TBL1XR1: variants seen among roughly 807,000 people sequenced by gnomAD.
TBL1XR1 encodes the protein TBL1X/Y related 1.
TBL1XR1 carries 5 observed loss-of-function variants against 66.9 expected under a neutral mutation model. The ratio of observed to expected loss-of-function variants is 0.07; its 90% CI spans 0.04 to 0.16. The LOEUF is 0.16. Ranked by LOEUF, TBL1XR1 falls within the 10% of genes least tolerant of loss-of-function variation. The probability of loss-of-function intolerance (pLI) is 1.00; values close to 1 mark genes in which losing one functional copy is unlikely to be tolerated. For synonymous variants in TBL1XR1, 210 were observed against 206.0 expected, an observed-to-expected ratio of 1.02 and a Z score of -0.17; for missense variants, 238 against 623.2, an observed-to-expected ratio of 0.38 and a Z score of 6.58.
intron 10 of TBL1XR1, among the ~76,000 whole-genome samples, chr3:177,044,536 G>C (rs1385606087): frequency 6.6e-6 from 1 of 152,130 alleles, no homozygotes; most frequent in Non-Finnish European, 1.5e-5. Context: ...TAAGGGGCAA[G>C]AAGAAACGTC....
chr3:177,162,675 T>A (rs1488889095), intron 1 of TBL1XR1, among the ~76,000 whole-genome samples: 4 of 152,146 alleles, frequency 2.6e-5, no homozygotes, highest in Non-Finnish European at 1.5e-5. Context: ...AAATCATACC[T>A]CAACTAAAAG....
chr3:177,053,765 T>C lies in TBL1XR1; in HGVS notation c.204+8A>G, dbSNP rs369760043. Reference sequence around the variant, plus strand: ...AAAAAATCAGTATTTGAAATAAGTCTTCCTTACCTCATTAATACTAACTTC... The same window carrying C: ...AAAAAATCAGTATTTGAAATAAGTCCTCCTTACCTCATTAATACTAACTTC... On this transcript the variant is annotated splice_region_variant and intron_variant, in intron 4 of 15. Coordinates refer to ENST00000457928, the MANE Select transcript of TBL1XR1 (RefSeq NM_024665.7). The C allele has an allele frequency of 6.8e-6, 11 of 1,609,864 alleles. No individual in the cohort carries two copies. Among genetic ancestry groups the C allele is most frequent in the Non-Finnish European group, 1.7e-6 (2 of 1,178,332 alleles).
chr3:177,065,006 C>T lies in TBL1XR1; in HGVS notation c.-29G>A. 2.0e-6 allele frequency: 3 copies of T among 1,508,366 alleles called. No individual in the cohort carries two copies. Among genetic ancestry groups the T allele is most frequent in the Non-Finnish European group, 1.8e-6 (2 of 1,133,098 alleles). 93.4% of individuals were successfully genotyped at this position (1,508,366 alleles called of 1,614,324 possible). A position where few individuals can be genotyped will look rare whatever the true frequency, so the allele number is the denominator to read the frequency against. ...TATTCCCACTTAAACCATGAGGTCA[C>T]AACACAGGATATAACCCTAAAAATA... On this transcript the variant is annotated 5_prime_UTR_variant, in exon 3 of 16. It adds an upstream start codon to the 5' untranslated region. Coordinates refer to ENST00000457928, the MANE Select transcript of TBL1XR1 (RefSeq NM_024665.7).
intron 1 of TBL1XR1, among the ~76,000 whole-genome samples, chr3:177,186,389 T>TA (rs1370506718): frequency 6.6e-6 from 1 of 152,162 alleles, no homozygotes; most frequent in Non-Finnish European, 1.5e-5. Context: ...TTCTGCCCCA[T>TA]AAAAAGGTAA....
chr3:177,073,117 T>A (rs774668620), intron 2 of TBL1XR1, among the ~76,000 whole-genome samples: 8 of 152,182 alleles, frequency 5.3e-5, no homozygotes, highest in Non-Finnish European at 1.2e-4. Context: ...CATTTTAATA[T>A]CTGATACATT....
chr3:177,193,576 T>C (rs148190285), intron 1 of TBL1XR1, among the ~76,000 whole-genome samples: 5,401 of 152,322 alleles, frequency 0.035, 336 homozygotes, highest in African/African-American at 0.12. Flanking sequence ...TCCAAAGTGC[T>C]TGGATTACAG....
At chr3:177,169,979 A>G (rs1457041201) in intron 1 of TBL1XR1, among the ~76,000 whole-genome samples, 1 of 152,058 alleles carries the variant, frequency 6.6e-6, no homozygotes, top group Non-Finnish European at 1.5e-5. Flanking sequence ...TGAATCAGAA[A>G]TTGGGGGGCA....
chr3:177,054,201 CACA>C (rs778615432), intron 3 of TBL1XR1, among the ~76,000 whole-genome samples: 2 of 152,048 alleles, frequency 1.3e-5, no homozygotes, highest in Non-Finnish European at 2.9e-5. Flanking sequence ...TGTCATGGTA[CACA>C]ACTTTTCTTA....
At chr3:177,068,917 T>C in intron 2 of TBL1XR1, among the ~76,000 whole-genome samples, 1 of 152,240 alleles carries the variant, frequency 6.6e-6, no homozygotes, top group Non-Finnish European at 1.5e-5. Context: ...TAATCGAAAT[T>C]ACTTTATCTT....
chr3:177,095,494 G>GAT (rs148331894), intron 2 of TBL1XR1, among the ~76,000 whole-genome samples: 58,991 of 140,100 alleles, frequency 0.42, 11,761 homozygotes, highest in East Asian at 0.58. Context: ...GGTGCAATTA[G>GAT]ATTTTTTTTT....
chr3:177,076,187 A>G (rs1460110405), intron 2 of TBL1XR1, among the ~76,000 whole-genome samples: 1 of 152,134 alleles, frequency 6.6e-6, no homozygotes, highest in Non-Finnish European at 1.5e-5. Flanking sequence ...AATTCTATTC[A>G]CTGAGGGCAA....
At chr3:177,130,642 A>C (rs1266111457) in intron 1 of TBL1XR1, among the ~76,000 whole-genome samples, 1 of 152,232 alleles carries the variant, frequency 6.6e-6, no homozygotes, top group Non-Finnish European at 1.5e-5. Context: ...TGCTGTATAC[A>C]CTTTTGTACT....
Position 177,197,181 on chromosome 3 carries a change from C to A in TBL1XR1, c.-182G>T. The A allele has an allele frequency of 6.5e-6, 1 of 154,232 alleles. No homozygotes were observed. The highest frequency in any genetic ancestry group is 1.8e-4 in the South Asian group (1 of 5,578). 9.6% of individuals were successfully genotyped at this position (154,232 alleles called of 1,614,324 possible). The stretch of plus-strand genomic sequence containing the variant: ...CCGGGAATGGAGGCACAAGGAAATT[C>A]CCCTCCTCGCCGCCGCCGCCACCGC... On this transcript the variant is annotated 5_prime_UTR_variant, in exon 1 of 16. Coordinates refer to ENST00000457928, the MANE Select transcript of TBL1XR1 (RefSeq NM_024665.7).
At chr3:177,147,393 G>T (rs1162578736) in intron 1 of TBL1XR1, among the ~76,000 whole-genome samples, 2 of 152,146 alleles carry the variant, frequency 1.3e-5, no homozygotes, top group African/African-American at 4.8e-5. Flanking sequence ...TGGTGCTGCA[G>T]AACATAGTTT....
intron 1 of TBL1XR1, among the ~76,000 whole-genome samples, chr3:177,193,536 CTT>C (rs1736436335): frequency 6.6e-6 from 1 of 152,180 alleles, no homozygotes; most frequent in Non-Finnish European, 1.5e-5. Flanking sequence ...GTCTCAATCT[CTT>C]GACCTCGTGA....
intron 2 of TBL1XR1, among the ~76,000 whole-genome samples, chr3:177,087,989 A>G (rs981499101): frequency 1.3e-5 from 2 of 152,204 alleles, no homozygotes; most frequent in Non-Finnish European, 2.9e-5. Flanking sequence ...CGTGTTAAAC[A>G]TCTATCCCTC....
At chr3:177,103,302 C>T (rs961271602) in intron 1 of TBL1XR1, among the ~76,000 whole-genome samples, 13 of 152,300 alleles carry the variant, frequency 8.5e-5, no homozygotes, top group Non-Finnish European at 1.6e-4. Context: ...AAAACTATCA[C>T]CTCCTTTGTG....
At chr3:177,134,784 T>G (rs1728701378) in intron 1 of TBL1XR1, among the ~76,000 whole-genome samples, 1 of 152,182 alleles carries the variant, frequency 6.6e-6, no homozygotes, top group South Asian at 2.1e-4. Flanking sequence ...GGCAGTTATA[T>G]CTATACGTCT....
chr3:177,065,378 G>A, intron 2 of TBL1XR1, among the ~76,000 whole-genome samples: 1 of 152,158 alleles, frequency 6.6e-6, no homozygotes, highest in East Asian at 1.9e-4. Context: ...TTAGTTATTT[G>A]CAAGAAGGCT....
Sources: gnomAD v4.1 joint callset for allele counts (sites outside exome capture counted in the v4.1 genomes callset) on GRCh38, gnomAD v4.1.1 for gene constraint, MANE v1.5 for transcripts, NCBI Gene and HGNC (gene_info 2026-07-23, HGNC 2026-07-21) for gene names.